The following SPI1 variants were observed in gnomAD, a reference collection of about 807,000 sequenced individuals.
The protein encoded by SPI1 is transcription factor PU.1.
SPI1 carries 3 observed loss-of-function variants against 30.7 expected under a neutral mutation model. The ratio of observed to expected loss-of-function variants is 0.10; its 90% CI spans 0.04 to 0.25. The LOEUF is 0.25. Ranked by LOEUF, SPI1 falls within the 10% of genes least tolerant of loss-of-function variation. The pLI is 1.00. For synonymous variants in SPI1, 169 were observed against 157.1 expected (o/e 1.08, Z -0.56); for missense variants, 261 against 371.5 (o/e 0.70, Z 2.45).
chr11:47,378,282 G>C (rs2095945040), intron 1 of SPI1, 27 bp downstream of exon 1: 1 of 1,612,490 alleles, frequency 6.2e-7, no homozygotes, highest in Non-Finnish European at 8.5e-7. Context: ...CCACGGGTTG[G>C]GCTGGTGGAG....
intron 2 of SPI1, among the ~76,000 whole-genome samples, chr11:47,372,697 TCC>T (rs2095937455): frequency 6.6e-6 from 1 of 152,062 alleles, no homozygotes; most frequent in East Asian, 1.9e-4. Context: ...CTTTTCCCAC[TCC>T]CCAGCCGCTT....
rs1295468269 is a variant in SPI1, at chr11:47,359,345, T to A, written c.331-339A>T. ...ATTAGGCTGGGGTCAGAAGAGGGCA[T>A]GCTAGGGACCGGTGCGTTGGGTCTG... On this transcript the variant is annotated intron_variant, in intron 3 of 4. Transcript: ENST00000378538. The surrounding 1 kb of genome is among the most constrained non-coding windows in gnomAD (Gnocchi z 5.1). Among the ~76,000 whole-genome samples the A allele has an allele frequency of 6.6e-6, 1 of 152,066 alleles. No homozygotes were observed. Among genetic ancestry groups the A allele is most frequent in the African/African-American group, 2.4e-5 (1 of 41,392 alleles).
intron 2 of SPI1, among the ~76,000 whole-genome samples, chr11:47,366,169 C>T (rs922707685): frequency 6.6e-6 from 1 of 152,160 alleles, no homozygotes; most frequent in Admixed American, 6.6e-5. Context: ...ATCCAGCCAG[C>T]CAGAAATGAC....
In SPI1 at chr11:47,375,239, G is replaced by A. The variant is rs1397237952; in HGVS notation, c.142+394C>T. Among the ~76,000 whole-genome samples, 4 of 152,210 alleles carry A rather than the reference G, an allele frequency of 2.6e-5. No homozygotes were observed. The highest frequency in any genetic ancestry group is 2.0e-4 in the Admixed American group (3 of 15,286). ...GACAGAGAGTGACGAGAACAGAGAG[G>A]AGGAGGTGGGTAGTTAGGCAGGGGC... On this transcript the variant is annotated intron_variant, in intron 2 of 4. Coordinates refer to ENST00000378538, the MANE Select transcript of SPI1 (RefSeq NM_003120.3). This position sits in a 1 kb window ranked among gnomAD's most constrained non-coding sequence, Gnocchi z 4.2.
intron 4 of SPI1, among the ~76,000 whole-genome samples, chr11:47,357,861 G>A (rs534119431): frequency 5.9e-5 from 9 of 151,484 alleles, no homozygotes; most frequent in South Asian, 2.1e-4. Context: ...CACCACGCCC[G>A]GCCCACTCAC....
chr11:47,363,567 T>G (rs537934393), intron 2 of SPI1, among the ~76,000 whole-genome samples: 57 of 152,196 alleles, frequency 3.7e-4, no homozygotes, highest in Admixed American at 1.3e-3. Context: ...CTCACTATGT[T>G]GCCTCCAACT....
In SPI1 at chr11:47,372,456, C is replaced by G. The variant is rs143777972; in HGVS notation, c.142+3177G>C. On this transcript the variant is annotated intron_variant, in intron 2 of 4. Coordinates refer to ENST00000378538, the MANE Select transcript of SPI1 (RefSeq NM_003120.3). ...AGCTCTGTGAGAGCAGTGGCCTTGTCTGGTGCTCATCATGGACTCCCCAGA... is the reference window on the plus strand; with the variant it reads ...AGCTCTGTGAGAGCAGTGGCCTTGTGTGGTGCTCATCATGGACTCCCCAGA... 8.1e-4 allele frequency among the ~76,000 whole-genome samples: 123 copies of G among 152,292 alleles called. 1 individual carries two copies. The highest frequency in any genetic ancestry group is 2.9e-3 in the African/African-American group (120 of 41,570).
chr11:47,356,428 TCA>T (rs199598952), intron 4 of SPI1, among the ~76,000 whole-genome samples: 4 of 149,782 alleles, frequency 2.7e-5, no homozygotes, highest in South Asian at 2.1e-4. Flanking sequence ...ATGCACCCAC[TCA>T]CACACATGCA....
chr11:47,378,120 G>A (rs765075635), intron 1 of SPI1, among the ~76,000 whole-genome samples, 189 bp downstream of exon 1: 5 of 152,252 alleles, frequency 3.3e-5, no homozygotes, highest in South Asian at 2.1e-4. Flanking sequence ...GCCTCAGCCC[G>A]CCAGGGCATG....
Position 47,359,058 on chromosome 11 carries a change from AGG to A in SPI1, c.331-54_331-53del. ...GTCAGGAAGGGCCAGCTTACAGCTC[AGG>A]GGGGCTGGGAGGGAGGTCAGCTGGG... On this transcript the variant is annotated intron_variant, in intron 3 of 4. Coordinates refer to ENST00000378538, the MANE Select transcript of SPI1 (RefSeq NM_003120.3). The surrounding 1 kb of genome is among the most constrained non-coding windows in gnomAD (Gnocchi z 5.1). 1 of 1,485,242 alleles carries A rather than the reference AGG, an allele frequency of 6.7e-7. No individual in the cohort carries two copies. The highest frequency in any genetic ancestry group is 1.4e-5 in the African/African-American group (1 of 71,576). The allele number at this position is 1,485,242 out of a possible 1,614,324, so 92.0% of individuals were successfully genotyped here.
chr11:47,377,269 G>T (rs1171093083), intron 1 of SPI1, among the ~76,000 whole-genome samples: 2 of 152,172 alleles, frequency 1.3e-5, no homozygotes, highest in African/African-American at 4.8e-5. Flanking sequence ...CAGCCTCCTG[G>T]GGTGGCTCTG....
Position 47,370,879 on chromosome 11 carries a change from A to AGT in SPI1, c.142+4752_142+4753dup, listed in dbSNP as rs57400879. 3.5e-3 allele frequency among the ~76,000 whole-genome samples: 529 copies of AGT among 150,398 alleles called. 4 individuals are homozygous for AGT. The highest frequency in any genetic ancestry group is 0.01 in the Middle Eastern group (3 of 290). Reference sequence around the variant, plus strand: ...AATTGGGGATGTGTGGAGAAATGTGAGTGTGTGTGTGTGTGTGTTGTGAAT... The same window carrying AGT: ...AATTGGGGATGTGTGGAGAAATGTGAGTGTGTGTGTGTGTGTGTGTTGTGAAT... On this transcript the variant is annotated intron_variant, in intron 2 of 4. Transcript: ENST00000378538.
chr11:47,356,567 C>A (rs1054884303), intron 4 of SPI1, among the ~76,000 whole-genome samples: 1 of 151,700 alleles, frequency 6.6e-6, no homozygotes, highest in Non-Finnish European at 1.5e-5. Context: ...TGTTCACACA[C>A]CTGCTCATAC....
chr11:47,355,721 C>T (rs905340480), intron 4 of SPI1, among the ~76,000 whole-genome samples, 175 bp from the exon 5 acceptor site: 5 of 151,742 alleles, frequency 3.3e-5, no homozygotes, highest in African/African-American at 1.2e-4. Flanking sequence ...CACACACACA[C>T]ATGCTTGCGC....
rs1317593788 is a variant in SPI1, at chr11:47,375,941, T to G, written c.46-212A>C. Among the ~76,000 whole-genome samples the G allele has an allele frequency of 6.6e-6, 1 of 151,634 alleles. No homozygotes were observed. Among genetic ancestry groups the G allele is most frequent in the Non-Finnish European group, 1.5e-5 (1 of 67,860 alleles). Reference sequence around the variant, plus strand: ...TGACAGGGACCTTGGGGGTGAGAGGTCAGAAGAGGACCAGGGTCCCCCTCT... The same window carrying G: ...TGACAGGGACCTTGGGGGTGAGAGGGCAGAAGAGGACCAGGGTCCCCCTCT... On this transcript the variant is annotated intron_variant, in intron 1 of 4. Coordinates refer to ENST00000378538, the MANE Select transcript of SPI1 (RefSeq NM_003120.3). The surrounding 1 kb of genome is among the most constrained non-coding windows in gnomAD (Gnocchi z 4.2).
intron 2 of SPI1, among the ~76,000 whole-genome samples, chr11:47,362,374 G>A (rs1458594648): frequency 3.9e-5 from 6 of 151,982 alleles, no homozygotes; most frequent in Non-Finnish European, 7.4e-5. Flanking sequence ...GTTTGAGACC[G>A]GCCTGGGCAA....
intron 2 of SPI1, among the ~76,000 whole-genome samples, chr11:47,369,562 A>G (rs373979037): frequency 4.2e-5 from 5 of 120,276 alleles, no homozygotes; most frequent in African/African-American, 5.7e-5. Flanking sequence ...GAGAGAGAGA[A>G]AAAAAAAAAA....
At chr11:47,355,774 A>AC (rs71308363) in intron 4 of SPI1, among the ~76,000 whole-genome samples, 46,174 of 142,682 alleles carry the variant, frequency 0.32, 7,713 homozygotes, top group African/African-American at 0.39. Flanking sequence ...CCACGCACTC[A>AC]CCCCCCCCAC....
chr11:47,367,553 CAA>C (rs368823506), intron 2 of SPI1, among the ~76,000 whole-genome samples: 2 of 114,460 alleles, frequency 1.7e-5, no homozygotes, highest in Non-Finnish European at 1.7e-5. Flanking sequence ...GACTCTGCCT[CAA>C]AAAAAAAAAA....
Sources: allele counts gnomAD v4.1 joint callset (sites outside exome capture counted in the v4.1 genomes callset), GRCh38; gene constraint gnomAD v4.1.1; non-coding constraint Gnocchi (gnomAD v3.1); transcripts MANE v1.5; gene names NCBI Gene and HGNC (gene_info 2026-07-23, HGNC 2026-07-21).